Variants in KCTD16 observed in about 807,000 individuals in gnomAD.
The protein encoded by KCTD16 is BTB/POZ domain-containing protein KCTD16.
In KCTD16, 13 loss-of-function variants were observed where a neutral mutation model predicts 33.2. That is an observed-to-expected ratio of 0.39 (90% confidence interval 0.25 to 0.62). The LOEUF (loss-of-function observed/expected upper bound fraction) is 0.62, where lower values mean the gene tolerates loss of function less well. KCTD16 is among the 20% of genes least tolerant of loss of function. KCTD16 has a pLI of 0.50. For missense variants in KCTD16, 441 were observed against 525.1 expected (o/e 0.84, Z 1.57); for synonymous variants, 197 against 195.3 (o/e 1.01, Z -0.07).
At chr5:144,413,494 C>T (rs1387146465) in intron 3 of KCTD16, among the ~76,000 whole-genome samples, 1 of 152,126 alleles carries the variant, frequency 6.6e-6, no homozygotes, top group Non-Finnish European at 1.5e-5. Flanking sequence ...TCTAACATAT[C>T]ATTTGTTGAC....
intron 3 of KCTD16, among the ~76,000 whole-genome samples, chr5:144,215,804 CT>C (rs1753546430): frequency 1.3e-5 from 2 of 152,168 alleles, no homozygotes; most frequent in Admixed American, 1.3e-4. Context: ...ATATATGATT[CT>C]TTCTAATAGT....
chr5:144,442,627 G>A (rs954658705), intron 3 of KCTD16, among the ~76,000 whole-genome samples: 1 of 142,658 alleles, frequency 7.0e-6, no homozygotes, highest in Non-Finnish European at 1.5e-5. Flanking sequence ...TTATTTTCTG[G>A]TTGCTCTGTA....
chr5:144,237,262 T>C (rs1280688542), intron 3 of KCTD16, among the ~76,000 whole-genome samples: 2 of 152,062 alleles, frequency 1.3e-5, no homozygotes, highest in Non-Finnish European at 2.9e-5. Context: ...TTGGCTCTAG[T>C]TTCTCATCCC....
chr5:144,273,064 C>T (rs1257746121), intron 3 of KCTD16, among the ~76,000 whole-genome samples: 7 of 152,036 alleles, frequency 4.6e-5, no homozygotes, highest in Non-Finnish European at 1.0e-4. Flanking sequence ...AACTATTTAT[C>T]AATCATGTAT....
At chr5:144,415,824 A>G (rs766495934) in intron 3 of KCTD16, among the ~76,000 whole-genome samples, 2 of 152,204 alleles carry the variant, frequency 1.3e-5, no homozygotes, top group African/African-American at 2.4e-5. Context: ...ATACCAAGGA[A>G]TAGGACTTAA....
intron 3 of KCTD16, among the ~76,000 whole-genome samples, chr5:144,433,069 G>A (rs949203655): frequency 2.6e-5 from 4 of 152,140 alleles, no homozygotes; most frequent in African/African-American, 9.6e-5. Context: ...TAAGTCTGTG[G>A]GACTTTGAAA....
intron 3 of KCTD16, among the ~76,000 whole-genome samples, chr5:144,316,208 A>T (rs1446397975): frequency 6.6e-6 from 1 of 152,130 alleles, no homozygotes; most frequent in Non-Finnish European, 1.5e-5. Context: ...GTGAGGTTGG[A>T]AGTGCCTGGG....
intron 3 of KCTD16, among the ~76,000 whole-genome samples, chr5:144,270,514 ATATAGT>A (rs1338862237): frequency 6.6e-6 from 1 of 151,834 alleles, no homozygotes; most frequent in Non-Finnish European, 1.5e-5. Context: ...AACTTATGAG[ATATAGT>A]TAAAGCATTG....
chr5:144,331,552 T>A (rs1351067650), intron 3 of KCTD16, among the ~76,000 whole-genome samples: 1 of 152,166 alleles, frequency 6.6e-6, no homozygotes, highest in African/African-American at 2.4e-5. Flanking sequence ...TGTCAAACAA[T>A]GTGTTACCCT....
intron 3 of KCTD16, among the ~76,000 whole-genome samples, chr5:144,240,437 A>G (rs553342163): frequency 1.4e-4 from 22 of 152,196 alleles, no homozygotes; most frequent in African/African-American, 5.1e-4. Context: ...CTAACAGAAG[A>G]GTTGAAAAAA....
chr5:144,193,813 A>G (rs1752889899), intron 2 of KCTD16, among the ~76,000 whole-genome samples: 1 of 152,188 alleles, frequency 6.6e-6, no homozygotes, highest in Non-Finnish European at 1.5e-5. Flanking sequence ...GAGATATCTG[A>G]AAGAAGTATA....
chr5:144,170,908 A>G lies in KCTD16; in HGVS notation c.-594A>G, dbSNP rs1340539635. 1 of 152,292 alleles carries G rather than the reference A, an allele frequency of 6.6e-6. No homozygotes were observed. Among genetic ancestry groups the G allele is most frequent in the African/African-American group, 2.4e-5 (1 of 41,442 alleles). 9.4% of individuals were successfully genotyped at this position (152,292 alleles called of 1,614,324 possible). A position where few individuals can be genotyped will look rare whatever the true frequency, so the allele number is the denominator to read the frequency against. ...GATGGAGGAAGACTGGGAGGCGCTA[A>G]AATGAGACAGACGGAGTCCCCTCTC... On this transcript the variant is annotated 5_prime_UTR_variant, in exon 1 of 4. Transcript: ENST00000512467.
chr5:144,290,139 A>T (rs1431208905), intron 3 of KCTD16, among the ~76,000 whole-genome samples: 1 of 152,054 alleles, frequency 6.6e-6, no homozygotes, highest in Admixed American at 6.6e-5. Context: ...ATACACAAAT[A>T]CAAAAATTAT....
chr5:144,343,509 G>T (rs1354406416), intron 3 of KCTD16, among the ~76,000 whole-genome samples: 4 of 151,830 alleles, frequency 2.6e-5, no homozygotes, highest in Admixed American at 6.6e-5. Context: ...TATCAATTTT[G>T]TTGATCCTTT....
At chr5:144,317,905 A>G (rs1269381221) in intron 3 of KCTD16, among the ~76,000 whole-genome samples, 1 of 152,164 alleles carries the variant, frequency 6.6e-6, no homozygotes. Context: ...GAGTGCAGAG[A>G]TGGAGATTTA....
chr5:144,281,123 A>G lies in KCTD16; in HGVS notation c.832+73577A>G, dbSNP rs532652461. Among the ~76,000 whole-genome samples, 49 of 152,374 alleles carry G rather than the reference A, an allele frequency of 3.2e-4. 1 individual carries two copies. In the East Asian group the frequency reaches 7.3e-3, roughly 23 times the overall value. Reference sequence around the variant, plus strand: ...CGTGAACCTGGCAGGCGGAGGTTGCAGTGAGCCCAGATCGCGCCACTGTAC... The same window carrying G: ...CGTGAACCTGGCAGGCGGAGGTTGCGGTGAGCCCAGATCGCGCCACTGTAC... On this transcript the variant is annotated intron_variant, in intron 3 of 3. Coordinates refer to ENST00000512467, the MANE Select transcript of KCTD16 (RefSeq NM_020768.4).
intron 3 of KCTD16, among the ~76,000 whole-genome samples, chr5:144,425,743 CA>C (rs1032090498): frequency 1.3e-5 from 2 of 152,036 alleles, no homozygotes; most frequent in African/African-American, 2.4e-5. Flanking sequence ...ATGCAAGGAA[CA>C]GAGTCCCAAG....
intron 3 of KCTD16, among the ~76,000 whole-genome samples, chr5:144,344,017 AT>A (rs1219551121): frequency 2.0e-5 from 3 of 152,286 alleles, no homozygotes; most frequent in East Asian, 3.9e-4. Flanking sequence ...AGAGATATAG[AT>A]CAATGGAACA....
At chr5:144,226,703 G>A (rs1753941651) in intron 3 of KCTD16, among the ~76,000 whole-genome samples, 1 of 151,934 alleles carries the variant, frequency 6.6e-6, no homozygotes, top group African/African-American at 2.4e-5. Flanking sequence ...CACCCAAGTA[G>A]CTGGGATTAC....
Sources: allele counts gnomAD v4.1 joint callset (sites outside exome capture counted in the v4.1 genomes callset), GRCh38; gene constraint gnomAD v4.1.1; transcripts MANE v1.5; gene names NCBI Gene and HGNC (gene_info 2026-07-23, HGNC 2026-07-21).